The following GPR39 variants were observed in gnomAD, a reference collection of about 807,000 sequenced individuals.
The protein encoded by GPR39 is zinc sensing receptor.
Under a neutral mutation model 18.4 loss-of-function variants are expected in GPR39, and 23 were observed. That is an observed-to-expected ratio of 1.25 (90% CI 0.90 to 1.77). GPR39 has a LOEUF of 1.77. GPR39 is among the 40% of genes most tolerant of loss of function. The probability of loss-of-function intolerance (pLI) is 0.00; values close to 1 mark genes in which losing one functional copy is unlikely to be tolerated. For synonymous variants in GPR39, 280 were observed against 257.9 expected (o/e 1.09, Z -0.82); for missense variants, 647 against 602.4 (o/e 1.07, Z -0.78).
chr2:132,519,546 G>C (rs886174319), intron 1 of GPR39, among the ~76,000 whole-genome samples: 3 of 152,200 alleles, frequency 2.0e-5, no homozygotes, highest in African/African-American at 7.2e-5. Context: ...AGGACTCACT[G>C]AACTTGATTA....
chr2:132,582,439 C>G (rs115563796), intron 1 of GPR39, among the ~76,000 whole-genome samples: 2,460 of 152,336 alleles, frequency 0.016, 68 homozygotes, highest in African/African-American at 0.056. Flanking sequence ...ATGAAGCCTG[C>G]TCTCAGTGGC....
At chr2:132,564,031 C>T (rs557172391) in intron 1 of GPR39, among the ~76,000 whole-genome samples, 1 of 152,328 alleles carries the variant, frequency 6.6e-6, no homozygotes, top group Non-Finnish European at 1.5e-5. Context: ...GCACATCCTC[C>T]CACAGCCTCT....
In GPR39 at chr2:132,525,388, T is replaced by A. The variant is rs137968718; in HGVS notation, c.856+107490T>A. Among the ~76,000 whole-genome samples the A allele has an allele frequency of 3.1e-3, 470 of 152,294 alleles. 1 individual carries two copies. Among genetic ancestry groups the A allele is most frequent in the Non-Finnish European group, 5.1e-3 (344 of 68,020 alleles). The stretch of plus-strand genomic sequence containing the variant: ...GTGTGACGGCTGTAAGGGATGATCA[T>A]GCGAGGGATTTTATAAGTAATCCTA... On this transcript the variant is annotated intron_variant, in intron 1 of 1. Transcript: ENST00000329321.
intron 1 of GPR39, among the ~76,000 whole-genome samples, chr2:132,455,609 T>C (rs1680707779): frequency 6.6e-6 from 1 of 152,238 alleles, no homozygotes; most frequent in African/African-American, 2.4e-5. Context: ...CTTTCTCTTG[T>C]GGGCATTTAG....
At chr2:132,614,924 C>T (rs946050186) in intron 1 of GPR39, among the ~76,000 whole-genome samples, 1 of 152,066 alleles carries the variant, frequency 6.6e-6, no homozygotes, top group African/African-American at 2.4e-5. Context: ...TAATCAAGAC[C>T]ACATCATCTT....
At chr2:132,452,651 C>T (rs960252755) in intron 1 of GPR39, among the ~76,000 whole-genome samples, 3 of 151,590 alleles carry the variant, frequency 2.0e-5, no homozygotes, top group African/African-American at 4.9e-5. Flanking sequence ...CAATAGGCCC[C>T]AGTGTTTGAT....
intron 1 of GPR39, among the ~76,000 whole-genome samples, chr2:132,438,413 C>T (rs1028670008): frequency 6.6e-5 from 10 of 152,102 alleles, no homozygotes; most frequent in Admixed American, 5.9e-4. Context: ...AGACTGCAGG[C>T]TCAAGTCACT....
intron 1 of GPR39, among the ~76,000 whole-genome samples, chr2:132,487,696 G>T (rs901185617): frequency 1.3e-5 from 2 of 152,120 alleles, no homozygotes; most frequent in East Asian, 3.8e-4. Flanking sequence ...CTTTAAAGAA[G>T]ATTAGTGACC....
Position 132,582,239 on chromosome 2 carries a change from G to T in GPR39, c.857-62862G>T, listed in dbSNP as rs929181632. On this transcript the variant is annotated intron_variant, in intron 1 of 1. Transcript: ENST00000329321. ...CCATATGCTTGCGGGGAAGACACAT[G>T]CAGGGAAGAGGCTGGGCTATAGATT... Among the ~76,000 whole-genome samples the T allele has an allele frequency of 3.3e-5, 5 of 152,222 alleles. No homozygotes were observed. The South Asian group carries it at 1.0e-3, about 32-fold the overall frequency.
At chr2:132,569,802 T>TA (rs1680411818) in intron 1 of GPR39, among the ~76,000 whole-genome samples, 1 of 151,752 alleles carries the variant, frequency 6.6e-6, no homozygotes, top group South Asian at 2.1e-4. Context: ...CCTGTGCTAT[T>TA]AACTTTAGAG....
rs560464553 is a variant in GPR39 at position 132,606,800 on chromosome 2, CAG to C, written c.857-38298_857-38297del. On this transcript the variant is annotated intron_variant, in intron 1 of 1. Transcript: ENST00000329321. ...GATGGATGGGGAGCTGGTAGGGGGA[CAG>C]AGCGGGAAGGTGGTCTTCCCCTGTG... 1.1e-3 allele frequency among the ~76,000 whole-genome samples: 162 copies of C among 152,268 alleles called. 1 individual carries two copies. The highest frequency in any genetic ancestry group is 3.7e-3 in the African/African-American group (154 of 41,554).
chr2:132,439,697 T>G (rs1680399023), intron 1 of GPR39, among the ~76,000 whole-genome samples: 1 of 152,214 alleles, frequency 6.6e-6, no homozygotes, highest in Non-Finnish European at 1.5e-5. Context: ...TTTAGCTGGC[T>G]CTGAAGAGAG....
At chr2:132,458,744 G>T (rs1680781073) in intron 1 of GPR39, among the ~76,000 whole-genome samples, 1 of 151,932 alleles carries the variant, frequency 6.6e-6, no homozygotes, top group Non-Finnish European at 1.5e-5. Flanking sequence ...GAAGAGAAGA[G>T]AACCACATTG....
At chr2:132,579,915 G>A (rs1262522210) in intron 1 of GPR39, among the ~76,000 whole-genome samples, 2 of 152,052 alleles carry the variant, frequency 1.3e-5, no homozygotes. Flanking sequence ...AGAGACCTAA[G>A]GGTTATGTGA....
intron 1 of GPR39, among the ~76,000 whole-genome samples, chr2:132,529,179 G>A (rs903940256): frequency 6.6e-6 from 1 of 152,190 alleles, no homozygotes; most frequent in Non-Finnish European, 1.5e-5. Flanking sequence ...TTTTCCAACA[G>A]GCTTAACAAA....
At chr2:132,455,152 T>G (rs112156828) in intron 1 of GPR39, among the ~76,000 whole-genome samples, 1 of 152,344 alleles carries the variant, frequency 6.6e-6, no homozygotes, top group South Asian at 2.1e-4. Context: ...ATTGCCTCAA[T>G]TTCAGAACCT....
chr2:132,620,936 T>G (rs1332368346), intron 1 of GPR39, among the ~76,000 whole-genome samples: 1 of 152,100 alleles, frequency 6.6e-6, no homozygotes, highest in Non-Finnish European at 1.5e-5. Flanking sequence ...GTATTTTTAG[T>G]AAAGACGGGG....
intron 1 of GPR39, among the ~76,000 whole-genome samples, chr2:132,507,094 A>G (rs951412088): frequency 3.9e-5 from 6 of 152,140 alleles, no homozygotes; most frequent in African/African-American, 1.4e-4. Flanking sequence ...GTTATGATCC[A>G]ATCACCTCTT....
At chr2:132,599,641 T>C (rs563160653) in intron 1 of GPR39, among the ~76,000 whole-genome samples, 1 of 151,994 alleles carries the variant, frequency 6.6e-6, no homozygotes, top group East Asian at 1.9e-4. Context: ...GAGTTAATTA[T>C]TGATAGGGAA....
Sources: allele counts gnomAD v4.1 joint callset (sites outside exome capture counted in the v4.1 genomes callset), GRCh38; gene constraint gnomAD v4.1.1; transcripts MANE v1.5; gene names NCBI Gene and HGNC (gene_info 2026-07-23, HGNC 2026-07-21).